Variants in EXOC6 observed in about 807,000 individuals in gnomAD.
The protein encoded by EXOC6 is SEC15-like 1.
In EXOC6, 60 loss-of-function variants were observed where a neutral mutation model predicts 112.5. The ratio of observed to expected loss-of-function variants is 0.53; its 90% CI spans 0.43 to 0.66. The LOEUF (loss-of-function observed/expected upper bound fraction) is 0.66. Ranked by LOEUF, EXOC6 falls within the 30% of genes least tolerant of loss-of-function variation. EXOC6 has a pLI of 0.00. For missense variants in EXOC6, 855 were observed against 957.1 expected (o/e 0.89, Z 1.41); for synonymous variants, 295 against 308.0 (o/e 0.96, Z 0.44).
chr10:92,944,133 T>A (rs1050995598), intron 13 of EXOC6, among the ~76,000 whole-genome samples: 8 of 152,358 alleles, frequency 5.3e-5, no homozygotes, highest in African/African-American at 1.4e-4. Flanking sequence ...CACTTTTTTT[T>A]AATCCATTCA....
intron 17 of EXOC6, among the ~76,000 whole-genome samples, chr10:92,959,800 A>C (rs1441319900): frequency 6.6e-6 from 1 of 152,234 alleles, no homozygotes; most frequent in Non-Finnish European, 1.5e-5. Flanking sequence ...AAATTAAAAC[A>C]ACAGTGAGAT....
chr10:92,909,482 G>A lies in EXOC6; in HGVS notation c.514G>A (p.Val172Ile), dbSNP rs1303848845. 3 of 1,613,438 alleles carry A rather than the reference G, an allele frequency of 1.9e-6. No individual in the cohort carries two copies. Among genetic ancestry groups the A allele is most frequent in the Non-Finnish European group, 2.5e-6 (3 of 1,179,702 alleles). ...ATTAGAGAATGTGTACTTTCCCTGGGTTAGTCAATACCGGTTTTGTCAGCT... is the reference window on the plus strand; with the variant it reads ...ATTAGAGAATGTGTACTTTCCCTGGATTAGTCAATACCGGTTTTGTCAGCT... ...EQLENVYFPW[V>I]SQYRFCQLMI... Residue 172 changes from valine to isoleucine, a missense_variant, in exon 6 of 22, where the codon GTT (valine) becomes ATT (isoleucine). Coordinates refer to ENST00000260762, the MANE Select transcript of EXOC6 (RefSeq NM_019053.6).
At chr10:92,908,789 T>C (rs1850585057) in intron 5 of EXOC6, among the ~76,000 whole-genome samples, 1 of 152,144 alleles carries the variant, frequency 6.6e-6, no homozygotes, top group African/African-American at 2.4e-5. Flanking sequence ...AATTGCTGCA[T>C]ACCCAGCATG....
At chr10:92,966,603 A>G (rs1161720211) in intron 17 of EXOC6, among the ~76,000 whole-genome samples, 1 of 151,068 alleles carries the variant, frequency 6.6e-6, no homozygotes, top group Non-Finnish European at 1.5e-5. Context: ...CCATGTCCCT[A>G]CAAAGGACAT....
intron 7 of EXOC6, among the ~76,000 whole-genome samples, chr10:92,918,732 C>T (rs1036064538): frequency 6.6e-6 from 1 of 152,064 alleles, no homozygotes; most frequent in Admixed American, 6.6e-5. Context: ...CCACTATGTA[C>T]ATTTCTGCTG....
chr10:92,843,848 C>T (rs979674683), upstream of EXOC6, among the ~76,000 whole-genome samples: 1 of 151,960 alleles, frequency 6.6e-6, no homozygotes, highest in Non-Finnish European at 1.5e-5. Context: ...ATTAGCCGGG[C>T]GTGGTGGCTG....
chr10:93,042,997 C>T (rs1012068822), intron 20 of EXOC6, among the ~76,000 whole-genome samples: 12 of 151,484 alleles, frequency 7.9e-5, no homozygotes, highest in Admixed American at 2.0e-4. Flanking sequence ...AGTGCAGTGG[C>T]GCAATCTTGG....
chr10:92,842,762 A>T (rs929593008), intron 1 of EXOC6, among the ~76,000 whole-genome samples: 1 of 152,064 alleles, frequency 6.6e-6, no homozygotes, highest in Non-Finnish European at 1.5e-5. Flanking sequence ...AACTCAGAGA[A>T]AATGATATTG....
At chr10:92,952,419 C>G in intron 15 of EXOC6, 37 bp downstream of exon 15, 1 of 1,245,290 alleles carries the variant, frequency 8.0e-7, no homozygotes, top group Non-Finnish European at 1.2e-6. Context: ...TTTGTCATAA[C>G]TTTTATGAAA....
intron 1 of EXOC6, among the ~76,000 whole-genome samples, chr10:92,851,651 A>AAAAAAC (rs1279367010): frequency 6.6e-6 from 1 of 151,970 alleles, no homozygotes; most frequent in South Asian, 2.1e-4. Flanking sequence ...CTCCATCTTA[A>AAAAAAC]AAAAACAAAA....
intron 6 of EXOC6, among the ~76,000 whole-genome samples, 188 bp downstream of exon 6, chr10:92,909,819 A>G (rs570275744): frequency 3.9e-5 from 6 of 152,206 alleles, no homozygotes; most frequent in Non-Finnish European, 7.4e-5. Flanking sequence ...TCCTTTTTTA[A>G]GTAAAATCAG....
intron 1 of EXOC6, among the ~76,000 whole-genome samples, chr10:92,828,474 C>A (rs1846420421): frequency 6.6e-6 from 1 of 152,130 alleles, no homozygotes; most frequent in Admixed American, 6.6e-5. Context: ...GCTGAGACTA[C>A]AGATGTGTGC....
intron 20 of EXOC6, among the ~76,000 whole-genome samples, chr10:93,030,736 A>G (rs1322687370): frequency 6.6e-6 from 1 of 152,230 alleles, no homozygotes; most frequent in East Asian, 1.9e-4. Context: ...TCTTACTAAT[A>G]TACTTCATAA....
rs534394102 is a variant in EXOC6 at position 93,007,074 on chromosome 10, T to G, written c.2096-7120T>G. Among the ~76,000 whole-genome samples the G allele has an allele frequency of 6.7e-4, 102 of 152,188 alleles. 1 individual carries two copies. The highest frequency in any genetic ancestry group is 3.4e-3 in the Middle Eastern group (1 of 292). The stretch of plus-strand genomic sequence containing the variant: ...TTGTAAACAATCTACATTCTCTGCC[T>G]TATGATAAAGATAACTGTCTGCCTA... On this transcript the variant is annotated intron_variant, in intron 19 of 21. Coordinates refer to ENST00000260762, the MANE Select transcript of EXOC6 (RefSeq NM_019053.6).
intron 6 of EXOC6, 83 bp from the exon 7 acceptor site, chr10:92,915,671 TAAAA>T (rs199577434): frequency 1.6e-5 from 15 of 923,612 alleles, no homozygotes; most frequent in Non-Finnish European, 2.0e-5. Context: ...ATTAAAAAGA[TAAAA>T]AAAAACTATG....
At chr10:92,975,664 G>A in intron 18 of EXOC6, among the ~76,000 whole-genome samples, 1 of 117,732 alleles carries the variant, frequency 8.5e-6, no homozygotes, top group African/African-American at 3.3e-5. Flanking sequence ...GGAGGTGAGG[G>A]GCGCCTCTGC....
At chr10:92,885,175 A>G (rs542153588) in intron 1 of EXOC6, among the ~76,000 whole-genome samples, 2 of 152,212 alleles carry the variant, frequency 1.3e-5, no homozygotes, top group Non-Finnish European at 2.9e-5. Flanking sequence ...GTTAACTCAT[A>G]TTTAAACTTT....
chr10:93,014,333 T>G, intron 20 of EXOC6, 66 bp downstream of exon 20: 1 of 1,245,324 alleles, frequency 8.0e-7, no homozygotes, highest in Admixed American at 1.8e-5. Flanking sequence ...CACTTTTTTT[T>G]TTTATTAATG....
chr10:92,859,496 GT>G (rs2133671358), intron 1 of EXOC6, among the ~76,000 whole-genome samples: 1 of 152,340 alleles, frequency 6.6e-6, no homozygotes, highest in South Asian at 2.1e-4. Flanking sequence ...TGGGGCATAA[GT>G]TATTCCACAG....
Sources: gnomAD v4.1 joint callset for allele counts (sites outside exome capture counted in the v4.1 genomes callset) on GRCh38, gnomAD v4.1.1 for gene constraint, MANE v1.5 for transcripts, NCBI Gene and HGNC (gene_info 2026-07-23, HGNC 2026-07-21) for gene names.